MNAT1: variants seen among roughly 807,000 people sequenced by gnomAD.
The protein encoded by MNAT1 is CDK-activating kinase assembly factor MAT1.
In MNAT1, 43 loss-of-function variants were observed where a neutral mutation model predicts 42.0. The observed-to-expected ratio is 1.02, with a 90% CI of 0.80 to 1.32. The LOEUF (loss-of-function observed/expected upper bound fraction) is 1.32. Among genes scored for constraint, MNAT1 ranks in the 40% most tolerant of loss-of-function variants. The pLI, the probability that MNAT1 is intolerant of heterozygous loss-of-function variation, is 0.00. For missense variants in MNAT1, 306 were observed against 350.4 expected, an observed-to-expected ratio of 0.87 and a Z score of 1.01; for synonymous variants, 118 against 120.0, an observed-to-expected ratio of 0.98 and a Z score of 0.11.
intron 6 of MNAT1, among the ~76,000 whole-genome samples, chr14:60,833,166 T>G (rs1414616753): frequency 6.6e-6 from 1 of 152,182 alleles, no homozygotes; most frequent in Non-Finnish European, 1.5e-5. Context: ...GAATACTCTT[T>G]ATTTCTTTCT....
chr14:60,746,487 C>G (rs1187286143), intron 1 of MNAT1, among the ~76,000 whole-genome samples: 1 of 149,824 alleles, frequency 6.7e-6, no homozygotes, highest in Non-Finnish European at 1.5e-5. Context: ...TGCACTCCAG[C>G]TTAGGTGACA....
intron 7 of MNAT1, among the ~76,000 whole-genome samples, chr14:60,917,200 C>T (rs546689580): frequency 2.0e-5 from 3 of 152,226 alleles, no homozygotes; most frequent in Non-Finnish European, 2.9e-5. Flanking sequence ...CAGAGGTTGG[C>T]GTAGCCTCAG....
chr14:60,809,262 A>G (rs1195025714), intron 4 of MNAT1, among the ~76,000 whole-genome samples: 2 of 152,130 alleles, frequency 1.3e-5, no homozygotes, highest in African/African-American at 4.8e-5. Flanking sequence ...CACATAGCTT[A>G]TATTTTCATT....
chr14:60,875,784 T>G (rs962746668), intron 6 of MNAT1, among the ~76,000 whole-genome samples: 3 of 152,080 alleles, frequency 2.0e-5, no homozygotes, highest in Non-Finnish European at 4.4e-5. Flanking sequence ...ATGATTAGTT[T>G]TAGTATGTTG....
chr14:60,813,218 G>A (rs1395107581), intron 5 of MNAT1, among the ~76,000 whole-genome samples: 1 of 152,110 alleles, frequency 6.6e-6, no homozygotes, highest in Non-Finnish European at 1.5e-5. Flanking sequence ...GGATGGCTGG[G>A]TCCTGCACTT....
intron 7 of MNAT1, among the ~76,000 whole-genome samples, chr14:60,929,363 C>T (rs560906195): frequency 6.6e-6 from 1 of 151,502 alleles, no homozygotes; most frequent in African/African-American, 2.4e-5. Context: ...TTTTGCCTAA[C>T]CAAAGGCCAA....
At chr14:60,773,541 A>G (rs2031142768) in intron 1 of MNAT1, among the ~76,000 whole-genome samples, 2 of 152,350 alleles carry the variant, frequency 1.3e-5, no homozygotes, top group East Asian at 1.9e-4. Context: ...GGGTTTGGTC[A>G]GGAAAGCAAA....
intron 7 of MNAT1, among the ~76,000 whole-genome samples, chr14:60,910,929 A>G (rs1290956648): frequency 1.3e-5 from 2 of 152,172 alleles, no homozygotes; most frequent in Non-Finnish European, 2.9e-5. Context: ...CTCTGGTAAA[A>G]TTCGGCTGTG....
intron 7 of MNAT1, among the ~76,000 whole-genome samples, chr14:60,899,352 T>A (rs1174425083): frequency 6.6e-6 from 1 of 152,200 alleles, no homozygotes; most frequent in Non-Finnish European, 1.5e-5. Flanking sequence ...TATTATTATA[T>A]CATCAGTAGT....
intron 6 of MNAT1, among the ~76,000 whole-genome samples, chr14:60,858,383 G>A (rs1001640827): frequency 2.7e-5 from 4 of 149,912 alleles, no homozygotes; most frequent in African/African-American, 9.8e-5. Context: ...GTTTTGAGAA[G>A]TGTCTGTTCT....
At chr14:60,959,920 G>GTTTTTTTTTTTTTTTTTTT (rs11359127) in intron 7 of MNAT1, among the ~76,000 whole-genome samples, 2 of 93,166 alleles carry the variant, frequency 2.1e-5, no homozygotes, top group Non-Finnish European at 2.2e-5. Flanking sequence ...TGGTTTTTAT[G>GTTTTTTTTTTTTTTTTTTT]TTTTTTTTTT....
At chr14:60,908,369 G>T (rs901047110) in intron 7 of MNAT1, among the ~76,000 whole-genome samples, 2 of 151,380 alleles carry the variant, frequency 1.3e-5, no homozygotes, top group African/African-American at 4.9e-5. Context: ...TGTGTACAAC[G>T]TGCAGGTTTG....
chr14:60,767,635 C>G (rs1327093880), intron 1 of MNAT1, among the ~76,000 whole-genome samples: 2 of 151,994 alleles, frequency 1.3e-5, no homozygotes, highest in African/African-American at 2.4e-5. Flanking sequence ...GAGACTTGCT[C>G]TGTTGCCCAG....
intron 3 of MNAT1, among the ~76,000 whole-genome samples, chr14:60,798,629 GTAT>G (rs2032098308): frequency 6.6e-6 from 1 of 152,076 alleles, no homozygotes; most frequent in African/African-American, 2.4e-5. Context: ...CTATTAATCA[GTAT>G]TATTCTGGAA....
chr14:60,826,888 T>C (rs1226552727), intron 6 of MNAT1, among the ~76,000 whole-genome samples: 2 of 152,174 alleles, frequency 1.3e-5, no homozygotes, highest in Non-Finnish European at 2.9e-5. Context: ...GTTTTTTTTT[T>C]CCCTGATTCA....
At chr14:60,858,959 A>C (rs1473904740) in intron 6 of MNAT1, among the ~76,000 whole-genome samples, 1 of 152,238 alleles carries the variant, frequency 6.6e-6, no homozygotes, top group Admixed American at 6.5e-5. Flanking sequence ...CTTTATGGCA[A>C]GGGTCTACAA....
chr14:60,752,773 A>T (rs560570810), intron 1 of MNAT1, among the ~76,000 whole-genome samples: 1 of 152,246 alleles, frequency 6.6e-6, no homozygotes, highest in African/African-American at 2.4e-5. Context: ...ACTTATTATT[A>T]TTATTTTTTG....
At chr14:60,741,299 T>C (rs1187786473) in intron 1 of MNAT1, among the ~76,000 whole-genome samples, 1 of 151,952 alleles carries the variant, frequency 6.6e-6, no homozygotes, top group African/African-American at 2.4e-5. Context: ...CCTCATCCTC[T>C]TGAGTAGCTA....
At chr14:60,913,087 C>T (rs143125773) in intron 7 of MNAT1, among the ~76,000 whole-genome samples, 292 of 152,246 alleles carry the variant, frequency 1.9e-3, no homozygotes, top group African/African-American at 6.8e-3. Flanking sequence ...CATCTTCCAC[C>T]GCTGATACCC....
Sources: allele counts gnomAD v4.1 joint callset (sites outside exome capture counted in the v4.1 genomes callset), GRCh38; gene constraint gnomAD v4.1.1; transcripts MANE v1.5; gene names NCBI Gene and HGNC (gene_info 2026-07-23, HGNC 2026-07-21).